PPP1R42: variants seen among roughly 807,000 people sequenced by gnomAD.
PPP1R42 encodes the protein protein phosphatase 1 regulatory subunit 42.
A neutral mutation model predicts 31.0 loss-of-function variants in PPP1R42; 34 were observed. The observed-to-expected ratio is 1.10, with a 90% CI of 0.83 to 1.46. PPP1R42 has a LOEUF of 1.46. Ranked by LOEUF, PPP1R42 falls within the 40% of genes most tolerant of loss-of-function variation. PPP1R42 has a pLI of 0.00. For missense variants in PPP1R42, 268 were observed against 303.0 expected (o/e 0.88, Z 0.86); for synonymous variants, 103 against 109.8 (o/e 0.94, Z 0.39).
At chr8:66,979,026 T>C (rs1236980626) in intron 7 of PPP1R42, among the ~76,000 whole-genome samples, 1 of 152,196 alleles carries the variant, frequency 6.6e-6, no homozygotes, top group Non-Finnish European at 1.5e-5. Context: ...CTCTTGATTG[T>C]TCCCTTTGCT....
At chr8:67,014,121 T>C (rs925754120) in intron 3 of PPP1R42, among the ~76,000 whole-genome samples, 2 of 152,208 alleles carry the variant, frequency 1.3e-5, no homozygotes, top group Non-Finnish European at 2.9e-5. Context: ...TATTAGCACT[T>C]AAGACAACCC....
chr8:66,970,922 T>C, intron 7 of PPP1R42: 1 of 1,226,128 alleles, frequency 8.2e-7, no homozygotes, highest in Admixed American at 2.0e-5. Context: ...TTGTTTACTG[T>C]GAAGATGTCT....
At position 66,982,780 on chromosome 8, in the gene PPP1R42, A is replaced by G. The variant is rs200900127; in HGVS notation, c.671-600T>C. 1.6e-4 allele frequency among the ~76,000 whole-genome samples: 24 copies of G among 151,240 alleles called. No individual in the cohort carries two copies. The East Asian group carries it at 3.9e-3, about 25-fold the overall frequency. ...ACCATACCCCTTATTATGTTTGTTT[A>G]TTTATTTATTTTTGAGACAGGATCT... On this transcript the variant is annotated intron_variant, in intron 6 of 7. Coordinates refer to ENST00000685739, the MANE Select transcript of PPP1R42 (RefSeq NM_001364910.1).
intron 5 of PPP1R42, among the ~76,000 whole-genome samples, chr8:67,008,766 G>T (rs1187598227): frequency 6.6e-6 from 1 of 151,338 alleles, no homozygotes; most frequent in Admixed American, 6.6e-5. Flanking sequence ...AAGCAACAAT[G>T]AAGGTATTTA....
chr8:66,985,575 T>G, intron 6 of PPP1R42: 14 of 1,349,730 alleles, frequency 1.0e-5, no homozygotes, highest in Non-Finnish European at 1.5e-5. Context: ...CTGGCTTCAG[T>G]GCCAGCCCGG....
intron 5 of PPP1R42, among the ~76,000 whole-genome samples, chr8:67,003,166 C>CAAAA (rs529377387): frequency 3.5e-5 from 2 of 57,692 alleles, no homozygotes; most frequent in Non-Finnish European, 7.5e-5. Context: ...AACTCCGTCT[C>CAAAA]AAAAAAAAAA....
At chr8:66,981,311 G>C (rs1226974111) in intron 7 of PPP1R42, among the ~76,000 whole-genome samples, 2 of 151,988 alleles carry the variant, frequency 1.3e-5, no homozygotes, top group African/African-American at 4.8e-5. Context: ...CATAAGAAGG[G>C]AGACAGTCCA....
chr8:67,022,798 T>A (rs1816264110), intron 1 of PPP1R42, among the ~76,000 whole-genome samples: 1 of 152,168 alleles, frequency 6.6e-6, no homozygotes, highest in African/African-American at 2.4e-5. Flanking sequence ...ATTATTTATA[T>A]ATTTATCTCC....
Position 67,012,860 on chromosome 8 carries a change from G to A in PPP1R42, c.435+98C>T, listed in dbSNP as rs921340151. On this transcript the variant is annotated intron_variant, in intron 4 of 7. Transcript: ENST00000685739. ...TGAGCTGGCCATATAAACATGAAGA[G>A]GATGTACAATGTCCAAATATACCTT... The A allele has an allele frequency of 5.6e-5, 63 of 1,134,444 alleles. No homozygotes were observed. In the African/African-American group the frequency reaches 9.4e-4, roughly 17 times the overall value. 70.3% of individuals were successfully genotyped at this position (1,134,444 alleles called of 1,614,324 possible).
intron 1 of PPP1R42, among the ~76,000 whole-genome samples, chr8:67,026,244 A>G (rs1816393454): frequency 6.6e-6 from 1 of 151,910 alleles, no homozygotes; most frequent in Non-Finnish European, 1.5e-5. Flanking sequence ...AGGCTGAGGC[A>G]GGAGAATCGC....
At chr8:66,966,013 G>A (rs1359105375) in intron 7 of PPP1R42, among the ~76,000 whole-genome samples, 1 of 152,178 alleles carries the variant, frequency 6.6e-6, no homozygotes, top group African/African-American at 2.4e-5. Context: ...GTACACAAGA[G>A]TTCCAGTTGC....
Position 66,988,460 on chromosome 8 carries a change from T to G in PPP1R42, c.610A>C (p.Asn204His). The G allele has an allele frequency of 6.2e-7, 1 of 1,611,148 alleles. No individual in the cohort carries two copies. Among genetic ancestry groups the G allele is most frequent in the Non-Finnish European group, 8.5e-7 (1 of 1,178,502 alleles). ...MKLWKIDLNG[N>H]PVCLKPKYRD... Reference sequence around the variant, plus strand: ...TATTTTGGTTTGAGACAAACAGGATTTCCATTTAGATCAATTTTCCACAGC... The same window carrying G: ...TATTTTGGTTTGAGACAAACAGGATGTCCATTTAGATCAATTTTCCACAGC... The change falls in exon 6 of 8, where the codon AAT becomes CAT. Residue 204 changes from asparagine (N) to histidine (H), a missense_variant. Asn to His is a moderately conservative substitution (Grantham distance 68, BLOSUM62 1). Transcript: ENST00000685739.
chr8:67,021,743 GATGT>G (rs1309622634), intron 1 of PPP1R42, among the ~76,000 whole-genome samples: 1 of 152,040 alleles, frequency 6.6e-6, no homozygotes, highest in African/African-American at 2.4e-5. Flanking sequence ...TTTTACTACA[GATGT>G]ATGTATACCT....
intron 7 of PPP1R42, among the ~76,000 whole-genome samples, chr8:66,967,666 C>A: frequency 6.6e-6 from 1 of 152,116 alleles, no homozygotes; most frequent in Admixed American, 6.6e-5. Context: ...ACAAAGGGTA[C>A]TAGGTATTTT....
At chr8:66,990,048 TATAAGAAAGTTATCTTC>T (rs899803757) in intron 5 of PPP1R42, among the ~76,000 whole-genome samples, 1 of 152,240 alleles carries the variant, frequency 6.6e-6, no homozygotes, top group African/African-American at 2.4e-5. Context: ...GTTGACTTTT[TATAAGAAAGTTATCTTC>T]ATAAATTATA....
In PPP1R42 at chr8:66,984,802, T is replaced by G. The variant is rs1585645268; in HGVS notation, c.671-2622A>C. 16 of 1,607,816 alleles carry G rather than the reference T, an allele frequency of 1.0e-5. No homozygotes were observed. The East Asian group carries it at 3.6e-4, about 36-fold the overall frequency. On this transcript the variant is annotated intron_variant, in intron 6 of 7. Coordinates refer to ENST00000685739, the MANE Select transcript of PPP1R42 (RefSeq NM_001364910.1). ...TCGCATCAAATTAGAAATTCTCACT[T>G]TGGGTTCTGGAGGAGGCATCAGGCC...
At chr8:67,000,052 A>T (rs556632135) in intron 5 of PPP1R42, among the ~76,000 whole-genome samples, 1 of 151,800 alleles carries the variant, frequency 6.6e-6, no homozygotes, top group African/African-American at 2.4e-5. Context: ...GGCATCATTG[A>T]TTTTTCTCTA....
At chr8:66,986,487 C>T (rs1051734118) in intron 6 of PPP1R42, among the ~76,000 whole-genome samples, 2 of 152,152 alleles carry the variant, frequency 1.3e-5, no homozygotes, top group African/African-American at 4.8e-5. Flanking sequence ...CCTATCGCCA[C>T]GGCAGCTGCC....
chr8:66,983,932 C>A (rs1814923796), intron 6 of PPP1R42, among the ~76,000 whole-genome samples: 1 of 152,036 alleles, frequency 6.6e-6, no homozygotes, highest in Non-Finnish European at 1.5e-5. Flanking sequence ...TTTAAACAAA[C>A]TCTTTAATCA....
Sources: allele counts gnomAD v4.1 joint callset (sites outside exome capture counted in the v4.1 genomes callset), GRCh38; gene constraint gnomAD v4.1.1; transcripts MANE v1.5; gene names NCBI Gene and HGNC (gene_info 2026-07-23, HGNC 2026-07-21).